TUT7: variants seen among roughly 807,000 people sequenced by gnomAD.
TUT7 encodes the protein terminal uridylyltransferase 7.
Under a neutral mutation model 165.9 loss-of-function variants are expected in TUT7, and 33 were observed. That is an observed-to-expected ratio of 0.20 (90% CI 0.15 to 0.27). The LOEUF is 0.27. TUT7 is among the 10% of genes least tolerant of loss of function. The pLI is 1.00. For missense variants in TUT7, 1,338 were observed against 1,762.3 expected, an observed-to-expected ratio of 0.76 and a Z score of 4.31; for synonymous variants, 552 against 608.1, an observed-to-expected ratio of 0.91 and a Z score of 1.36.
At chr9:86,341,410 G>A (rs1276875152) in intron 6 of TUT7, among the ~76,000 whole-genome samples, 1 of 152,122 alleles carries the variant, frequency 6.6e-6, no homozygotes, top group East Asian at 1.9e-4. Context: ...TACTGGTCCC[G>A]GAGTCAGTCT....
intron 26 of TUT7, among the ~76,000 whole-genome samples, chr9:86,290,672 T>A (rs548595205): frequency 7.1e-6 from 1 of 140,546 alleles, no homozygotes; most frequent in African/African-American, 2.7e-5. Context: ...TGAAACCTCG[T>A]CTCTACTAAA....
chr9:86,346,526 C>T, intron 2 of TUT7, 46 bp from the exon 3 acceptor site: 1 of 1,557,680 alleles, frequency 6.4e-7, no homozygotes, highest in Non-Finnish European at 8.8e-7. Context: ...AATAATGCCA[C>T]TCCTGAGTAA....
intron 17 of TUT7, among the ~76,000 whole-genome samples, chr9:86,312,400 G>T (rs1465274099): frequency 6.6e-6 from 1 of 151,968 alleles, no homozygotes; most frequent in African/African-American, 2.4e-5. Flanking sequence ...CCCCGTCTGA[G>T]AAGTGAGGAG....
chr9:86,337,459 T>C lies in TUT7; in HGVS notation c.1415A>G (p.Gln472Arg), dbSNP rs1237917174. 6.2e-7 allele frequency: 1 copy of C among 1,613,918 alleles called. No individual in the cohort carries two copies. Among genetic ancestry groups the C allele is most frequent in the South Asian group, 1.1e-5 (1 of 91,078 alleles). ...FALMAIFFLQ[Q>R]RKEPLLPVYL... ...TACAGGCAAAAGGGGTTCTTTCCTC[T>C]GCTGAAGAAAGAAAATGGCCATCAG... The change falls in exon 10 of 27, where the codon CAG becomes CGG. Residue 472 changes from glutamine (Q) to arginine (R), a missense_variant. Around this residue, in one of 7 missense-constraint regions of TUT7, gnomAD observed 74 missense variants for 128.5 expected, o/e 0.58. Coordinates refer to ENST00000375963, the MANE Select transcript of TUT7 (RefSeq NM_024617.4).
At chr9:86,309,117 C>A in intron 21 of TUT7, 95 bp downstream of exon 21, 1 of 734,256 alleles carries the variant, frequency 1.4e-6, no homozygotes, top group Non-Finnish European at 2.3e-6. Context: ...TATATAAATA[C>A]AACAAGCAAT....
chr9:86,319,722 A>G (rs780101179), intron 14 of TUT7, 52 bp from the exon 15 acceptor site: 17 of 1,213,194 alleles, frequency 1.4e-5, no homozygotes, highest in Non-Finnish European at 1.3e-5. Context: ...TGACACTCTT[A>G]GAAAAAGCTG....
intron 9 of TUT7, among the ~76,000 whole-genome samples, chr9:86,337,923 T>C (rs1196399083): frequency 1.3e-5 from 2 of 152,136 alleles, no homozygotes; most frequent in Non-Finnish European, 2.9e-5. Flanking sequence ...CCCTAACCCA[T>C]AGCGTCTTGC....
chr9:86,325,314 A>G lies in TUT7; in HGVS notation c.1789+20T>C. 1 of 1,609,666 alleles carries G rather than the reference A, an allele frequency of 6.2e-7. No homozygotes were observed. The highest frequency in any genetic ancestry group is 8.5e-7 in the Non-Finnish European group (1 of 1,176,890). ...TTAAAAAAAAGAGTGGGGGGGAATA[A>G]GATAAACATTTTGAGATACCTTCAA... On this transcript the variant is annotated intron_variant, in intron 12 of 26. Coordinates refer to ENST00000375963, the MANE Select transcript of TUT7 (RefSeq NM_024617.4).
At chr9:86,305,096 GA>G in intron 23 of TUT7, 95 bp downstream of exon 23, 1 of 1,300,474 alleles carries the variant, frequency 7.7e-7, no homozygotes, top group Non-Finnish European at 1.1e-6. Flanking sequence ...AGGAGTTTGA[GA>G]CCAGCCTGGG....
chr9:86,288,649 C>G lies in TUT7; in HGVS notation c.*28G>C. ...CGAGTGAATAGGAACGCCTGAGTGG[C>G]CATTTAGAGTGCTGCATTTTCCTTC... On this transcript the variant is annotated 3_prime_UTR_variant, in exon 27 of 27. Coordinates refer to ENST00000375963, the MANE Select transcript of TUT7 (RefSeq NM_024617.4). 6.3e-7 allele frequency: 1 copy of G among 1,595,232 alleles called. No individual in the cohort carries two copies. The highest frequency in any genetic ancestry group is 8.6e-7 in the Non-Finnish European group (1 of 1,163,502).
chr9:86,288,688 G>A lies in TUT7; in HGVS notation c.4477C>T (p.Gln1493Ter). ...QGKASAKRTQ[Q>*]ES ...GCATTTTCCTTCCCTCATGATTCCT[G>A]CTGGGTCCTCTTCGCTGAGGCTTTT... The change falls in exon 27 of 27, where the codon CAG becomes TAG. Residue 1493 changes from glutamine to a stop codon, truncating the protein, a stop_gained. Coordinates refer to ENST00000375963, the MANE Select transcript of TUT7 (RefSeq NM_024617.4). LOFTEE classifies it high-confidence loss of function. 6.2e-7 allele frequency: 1 copy of A among 1,613,686 alleles called. No individual in the cohort carries two copies. Among genetic ancestry groups the A allele is most frequent in the Non-Finnish European group, 8.5e-7 (1 of 1,179,780 alleles).
At position 86,289,742 on chromosome 9, in the gene TUT7, CAG is replaced by C. The variant is rs771181057; in HGVS notation, c.4421-1000_4421-999del. Among the ~76,000 whole-genome samples, 333 of 151,748 alleles carry C rather than the reference CAG, an allele frequency of 2.2e-3. 1 individual carries two copies. The highest frequency in any genetic ancestry group is 3.6e-3 in the Non-Finnish European group (241 of 67,870). ...ATAAGTATATGAAAAAATTCTATAT[CAG>C]GGGTAATCAATGAAATGCAAATTAA... On this transcript the variant is annotated intron_variant, in intron 26 of 26. Coordinates refer to ENST00000375963, the MANE Select transcript of TUT7 (RefSeq NM_024617.4).
Position 86,301,352 on chromosome 9 carries a change from T to G in TUT7, c.4344A>C (p.Leu1448Phe), listed in dbSNP as rs1377375061. Residue 1448 changes from leucine (L) to phenylalanine (F), a missense_variant, in exon 26 of 27, where the codon TTA (leucine) becomes TTC (phenylalanine). Coordinates refer to ENST00000375963, the MANE Select transcript of TUT7 (RefSeq NM_024617.4). Reference sequence around the variant, plus strand: ...CACAAATAAAACAACGTTTTTCTCTTAAGTCTTTGTCATCCTGTCTCTTCC... The same window carrying G: ...CACAAATAAAACAACGTTTTTCTCTGAAGTCTTTGTCATCCTGTCTCTTCC... ...EKWKRQDDKDLREKRCFICGR... is the reference protein window; with the variant it reads ...EKWKRQDDKDFREKRCFICGR... 1.9e-6 allele frequency: 3 copies of G among 1,614,058 alleles called. No homozygotes were observed. Among genetic ancestry groups the G allele is most frequent in the Non-Finnish European group, 2.5e-6 (3 of 1,180,040 alleles).
intron 6 of TUT7, among the ~76,000 whole-genome samples, chr9:86,342,373 A>T (rs1404812938): frequency 2.0e-5 from 3 of 152,148 alleles, no homozygotes; most frequent in Non-Finnish European, 4.4e-5. Context: ...AACAGCAGAG[A>T]AATGGATAAT....
At chr9:86,349,871 A>C (rs1832117358) in intron 2 of TUT7, among the ~76,000 whole-genome samples, 2 of 152,212 alleles carry the variant, frequency 1.3e-5, no homozygotes, top group South Asian at 4.1e-4. Context: ...CCTCCAATAA[A>C]AAAATAGCAA....
chr9:86,325,803 A>G (rs541281453), intron 11 of TUT7, among the ~76,000 whole-genome samples: 2 of 152,362 alleles, frequency 1.3e-5, no homozygotes, highest in Admixed American at 6.5e-5. Context: ...TGAACTGTTA[A>G]TAACAGGTGG....
At chr9:86,347,470 C>T (rs988391817) in intron 2 of TUT7, among the ~76,000 whole-genome samples, 3 of 152,094 alleles carry the variant, frequency 2.0e-5, no homozygotes, top group African/African-American at 4.8e-5. Context: ...GAAGTAATTC[C>T]TCCATCAAGT....
In TUT7 at chr9:86,323,586, C is replaced by T. The variant is rs754305044; in HGVS notation, c.2164G>A (p.Glu722Lys). 1 of 1,614,180 alleles carries T rather than the reference C, an allele frequency of 6.2e-7. No homozygotes were observed. The highest frequency in any genetic ancestry group is 8.5e-7 in the Non-Finnish European group (1 of 1,180,030). The change falls in exon 13 of 27, where the codon GAA becomes AAA. Residue 722 changes from glutamate to lysine, a missense_variant. Glu to Lys is a moderately conservative substitution (Grantham distance 56). Transcript: ENST00000375963. ...MGNEHISVHP[E>K]NSDCIQADVN... is the part of the protein sequence containing the mutation. ...TCTGCTTGGATACAGTCTGAGTTTT[C>T]AGGGTGGACACTGATGTGTTCATTT...
chr9:86,338,708 T>C, intron 9 of TUT7, 115 bp downstream of exon 9: 1 of 1,192,766 alleles, frequency 8.4e-7, no homozygotes, highest in Non-Finnish European at 1.1e-6. Context: ...GATGTCTTTC[T>C]CTTTTGATGT....
Sources: allele counts gnomAD v4.1 joint callset (sites outside exome capture counted in the v4.1 genomes callset), GRCh38; gene constraint gnomAD v4.1.1; regional missense constraint gnomAD v4.1.1; transcripts MANE v1.5; gene names NCBI Gene and HGNC (gene_info 2026-07-23, HGNC 2026-07-21).